The following ZFP14 variants were observed in gnomAD, a reference collection of about 807,000 sequenced individuals.
The protein encoded by ZFP14 is zinc finger protein 14 homolog.
Under a neutral mutation model 54.5 loss-of-function variants are expected in ZFP14, and 22 were observed. That is an observed-to-expected ratio of 0.40 (90% confidence interval 0.29 to 0.58). ZFP14 has a LOEUF of 0.58. Among genes scored for constraint, ZFP14 ranks in the 20% least tolerant of loss-of-function variants. The pLI, the probability that ZFP14 is intolerant of heterozygous loss-of-function variation, is 0.39. For synonymous variants in ZFP14, 159 were observed against 204.0 expected (o/e 0.78, Z 1.88); for missense variants, 470 against 637.8 (o/e 0.74, Z 2.83).
At chr19:36,363,634 A>C (rs2031746776) in intron 2 of ZFP14, among the ~76,000 whole-genome samples, 2 of 152,130 alleles carry the variant, frequency 1.3e-5, no homozygotes, top group Non-Finnish European at 2.9e-5. Context: ...GGCCAGGGAC[A>C]CTGTTAGACA....
At chr19:36,361,601 C>A (rs1230504456) in intron 3 of ZFP14, among the ~76,000 whole-genome samples, 1 of 152,042 alleles carries the variant, frequency 6.6e-6, no homozygotes, top group Non-Finnish European at 1.5e-5. Flanking sequence ...GTGGCGTGAT[C>A]TCAGCTCACT....
At chr19:36,374,489 CAA>C (rs398034483) in intron 1 of ZFP14, among the ~76,000 whole-genome samples, 19 of 70,512 alleles carry the variant, frequency 2.7e-4, no homozygotes, top group Admixed American at 3.0e-4. Flanking sequence ...GACTCTGTCT[CAA>C]AAAAAAAAAA....
In ZFP14 at chr19:36,367,044, C is replaced by T. The variant is rs564557900; in HGVS notation, c.9+840G>A. 7.2e-5 allele frequency among the ~76,000 whole-genome samples: 11 copies of T among 151,854 alleles called. No individual in the cohort carries two copies. In the East Asian group the frequency reaches 1.9e-3, roughly 27 times the overall value. On this transcript the variant is annotated intron_variant, in intron 2 of 4. Coordinates refer to ENST00000270001, the MANE Select transcript of ZFP14 (RefSeq NM_020917.3). ...TGGCGGGCACCTGTAATCCCAGCTA[C>T]TTGGGAGGCTGAGGCAGGAGAATTG...
chr19:36,354,157 G>A (rs2031575799), intron 4 of ZFP14, among the ~76,000 whole-genome samples: 1 of 137,846 alleles, frequency 7.3e-6, no homozygotes, highest in Non-Finnish European at 1.6e-5. Flanking sequence ...TAGATTACAA[G>A]GTCAGGAGTT....
intron 4 of ZFP14, among the ~76,000 whole-genome samples, chr19:36,350,945 T>C (rs1164429836): frequency 7.0e-6 from 1 of 143,200 alleles, no homozygotes; most frequent in East Asian, 2.1e-4. Context: ...GACAAAATTT[T>C]GTACCCTTTA....
rs765839584 is a variant in ZFP14 at position 36,376,554 on chromosome 19, GA to G, written c.-80+2608del. 7.8e-3 allele frequency among the ~76,000 whole-genome samples: 1,087 copies of G among 139,720 alleles called. 16 individuals are homozygous for G. Among genetic ancestry groups the G allele is most frequent in the African/African-American group, 0.025 (949 of 38,296 alleles). The allele number at this position is 139,720 out of a possible 152,430, so 91.7% of individuals were successfully genotyped here. On this transcript the variant is annotated intron_variant, in intron 1 of 4. Coordinates refer to ENST00000270001, the MANE Select transcript of ZFP14 (RefSeq NM_020917.3). ...AGCAAAACTCTGTCTCAAAAAAAAA[GA>G]AAAAAAAAAAATTCTTCGCAGCCCT...
intron 2 of ZFP14, among the ~76,000 whole-genome samples, chr19:36,367,043 A>C (rs781682711): frequency 3.3e-4 from 50 of 151,872 alleles, no homozygotes; most frequent in Non-Finnish European, 6.3e-4. Flanking sequence ...AATCCCAGCT[A>C]CTTGGGAGGC....
In ZFP14 at chr19:36,341,156, C is replaced by G. The variant is rs745745956; in HGVS notation, c.670G>C (p.Gly224Arg). 2 of 1,614,128 alleles carry G rather than the reference C, an allele frequency of 1.2e-6. No homozygotes were observed. The highest frequency in any genetic ancestry group is 1.7e-6 in the Non-Finnish European group (2 of 1,180,018). ...TCCTTACATTCATAGGGTTTCTCAC[C>G]GGTGTGAAGTTTGTGATGTCGAATA... ...HLIRHHKLHTGEKPYECKECG... is the reference protein window; with the variant it reads ...HLIRHHKLHTREKPYECKECG... Residue 224 changes from glycine (G) to arginine (R), a missense_variant, in exon 5 of 5, where the codon GGT (glycine) becomes CGT (arginine). Physicochemically the swap from Gly to Arg is moderately radical, Grantham distance 125 (BLOSUM62 -2). Transcript: ENST00000270001. This position sits in a 1 kb window ranked among gnomAD's most constrained non-coding sequence, Gnocchi z 4.2.
At chr19:36,370,642 G>A (rs567679825) in intron 1 of ZFP14, among the ~76,000 whole-genome samples, 2 of 152,362 alleles carry the variant, frequency 1.3e-5, no homozygotes, top group South Asian at 4.1e-4. Context: ...GTGGCCCTGG[G>A]CTTGGGGCAT....
chr19:36,368,838 CTCTTT>C (rs2031835807), intron 1 of ZFP14, among the ~76,000 whole-genome samples: 1 of 152,084 alleles, frequency 6.6e-6, no homozygotes, highest in Admixed American at 6.6e-5. Flanking sequence ...ACCACTCCTT[CTCTTT>C]TATTGATTAA....
chr19:36,340,292 C>T lies in ZFP14; in HGVS notation c.1534G>A (p.Glu512Lys), dbSNP rs866450620. 2 of 1,613,984 alleles carry T rather than the reference C, an allele frequency of 1.2e-6. No homozygotes were observed. Among genetic ancestry groups the T allele is most frequent in the African/African-American group, 2.7e-5 (2 of 75,046 alleles). Reference protein sequence around the residue: ...HTGEKPYKCKECKKAFRQHSH... With the variant: ...HTGEKPYKCKKCKKAFRQHSH... ...TGCTGTCTAAAGGCCTTCTTACACT[C>T]CTTACACTTGTAGGGCTTCTCACCA... Residue 512 changes from glutamate to lysine, a missense_variant, in exon 5 of 5, where the codon GAG becomes AAG. Glu to Lys is a moderately conservative substitution (Grantham distance 56). Transcript: ENST00000270001. This position sits in a 1 kb window ranked among gnomAD's most constrained non-coding sequence, Gnocchi z 5.4.
At position 36,341,179 on chromosome 19, in the gene ZFP14, A is replaced by G. The variant is rs2031306309; in HGVS notation, c.647T>C (p.Ile216Thr). The change falls in exon 5 of 5, where the codon ATT (isoleucine) becomes ACT (threonine). Residue 216 changes from isoleucine to threonine, a missense_variant. Transcript: ENST00000270001. The surrounding 1 kb of genome is among the most constrained non-coding windows in gnomAD (Gnocchi z 4.2). ...ACCGGTGTGAAGTTTGTGATGTCGAATAAGATGTGCACGCTGTCTAAAGGC... is the reference window on the plus strand; with the variant it reads ...ACCGGTGTGAAGTTTGTGATGTCGAGTAAGATGTGCACGCTGTCTAAAGGC... Reference protein sequence around the residue: ...GQAFRQRAHLIRHHKLHTGEK... With the variant: ...GQAFRQRAHLTRHHKLHTGEK... 1 of 1,614,060 alleles carries G rather than the reference A, an allele frequency of 6.2e-7. No individual in the cohort carries two copies. Among genetic ancestry groups the G allele is most frequent in the Non-Finnish European group, 8.5e-7 (1 of 1,180,004 alleles).
rs370356503 is a variant in ZFP14 at position 36,340,687 on chromosome 19, C to T, written c.1139G>A (p.Arg380Lys). The T allele has an allele frequency of 1.7e-5, 27 of 1,613,290 alleles. No individual in the cohort carries two copies. The highest frequency in any genetic ancestry group is 2.3e-5 in the Non-Finnish European group (27 of 1,179,820). Residue 380 changes from arginine (R) to lysine (K), a missense_variant, in exon 5 of 5, where the codon AGA (arginine) becomes AAA (lysine). Transcript: ENST00000270001. The surrounding 1 kb of genome is among the most constrained non-coding windows in gnomAD (Gnocchi z 5.4). ...CKECGKTFRLRQQLVRHQRIH... is the reference protein window; with the variant it reads ...CKECGKTFRLKQQLVRHQRIH... ...TCTCTGATGGCGAACTAGTTGTTGTCTTAATCTAAAAGTCTTCCCACATTC... is the reference window on the plus strand; with the variant it reads ...TCTCTGATGGCGAACTAGTTGTTGTTTTAATCTAAAAGTCTTCCCACATTC...
rs974911067 is a variant in ZFP14, at chr19:36,335,658, A to C, written c.*4566T>G. 2 of 152,104 alleles carry C rather than the reference A, an allele frequency of 1.3e-5. No homozygotes were observed. Among genetic ancestry groups the C allele is most frequent in the African/African-American group, 4.8e-5 (2 of 41,406 alleles). 9.4% of individuals were successfully genotyped at this position (152,104 alleles called of 1,614,324 possible). Reference sequence around the variant, plus strand: ...GTAAAACATATTCCTTTTGGGGGAAAAATGCAATCCTACATTTTTACTTGT... The same window carrying C: ...GTAAAACATATTCCTTTTGGGGGAACAATGCAATCCTACATTTTTACTTGT... On this transcript the variant is annotated 3_prime_UTR_variant, in exon 5 of 5. Coordinates refer to ENST00000270001, the MANE Select transcript of ZFP14 (RefSeq NM_020917.3).
At chr19:36,376,573 G>A (rs563386171) in intron 1 of ZFP14, among the ~76,000 whole-genome samples, 3 of 151,834 alleles carry the variant, frequency 2.0e-5, no homozygotes, top group East Asian at 1.9e-4. Context: ...AAAATTCTTC[G>A]CAGCCCTGCT....
At chr19:36,366,476 C>T (rs1568473007) in intron 2 of ZFP14, among the ~76,000 whole-genome samples, 1 of 152,052 alleles carries the variant, frequency 6.6e-6, no homozygotes, top group South Asian at 2.1e-4. Context: ...GCCACCATGC[C>T]CAGCTAGGTT....
chr19:36,360,290 T>C, intron 4 of ZFP14, 145 bp downstream of exon 4: 1 of 486,596 alleles, frequency 2.1e-6, no homozygotes, highest in Non-Finnish European at 3.5e-6. Context: ...AGATCTTAAT[T>C]TGCTTCAAGT....
intron 1 of ZFP14, among the ~76,000 whole-genome samples, chr19:36,377,546 TAA>T (rs60132379): frequency 1.5e-5 from 2 of 137,520 alleles, no homozygotes; most frequent in Non-Finnish European, 1.6e-5. Flanking sequence ...ACCCTGTCTC[TAA>T]AAAAAAAAAA....
chr19:36,350,868 CAAG>C lies in ZFP14; in HGVS notation c.236-9281_236-9279del, dbSNP rs1233929646. ...AATGGAAATAATGAAAGCCAGAAGACAAGGAGGGGATATTTGCTAAGAGAAAAT... is the reference window on the plus strand; with the variant it reads ...AATGGAAATAATGAAAGCCAGAAGACGAGGGGATATTTGCTAAGAGAAAAT... On this transcript the variant is annotated intron_variant, in intron 4 of 4. Transcript: ENST00000270001. Among the ~76,000 whole-genome samples, 3 of 142,660 alleles carry C rather than the reference CAAG, an allele frequency of 2.1e-5. 1 individual carries two copies. The highest frequency in any genetic ancestry group is 7.7e-5 in the African/African-American group (3 of 38,990). 93.6% of individuals were successfully genotyped at this position (142,660 alleles called of 152,430 possible).
Sources: gnomAD v4.1 joint callset for allele counts (sites outside exome capture counted in the v4.1 genomes callset) on GRCh38, gnomAD v4.1.1 for gene constraint, Gnocchi (gnomAD v3.1) non-coding constraint, MANE v1.5 for transcripts, NCBI Gene and HGNC (gene_info 2026-07-23, HGNC 2026-07-21) for gene names.